SAMD4A: variants seen among roughly 807,000 people sequenced by gnomAD.
SAMD4A encodes the protein protein Smaug homolog 1.
Under a neutral mutation model 81.3 loss-of-function variants are expected in SAMD4A, and 33 were observed. The observed-to-expected ratio is 0.41, with a 90% CI of 0.31 to 0.54. The LOEUF (loss-of-function observed/expected upper bound fraction) is 0.54, where lower values mean the gene tolerates loss of function less well. Among genes scored for constraint, SAMD4A ranks in the 20% least tolerant of loss-of-function variants. The pLI is 0.37. For missense variants in SAMD4A, 854 were observed against 951.1 expected, an observed-to-expected ratio of 0.90 and a Z score of 1.34; for synonymous variants, 389 against 382.1, an observed-to-expected ratio of 1.02 and a Z score of -0.21.
chr14:54,766,877 T>G (rs556501920), intron 8 of SAMD4A, among the ~76,000 whole-genome samples: 1 of 152,214 alleles, frequency 6.6e-6, no homozygotes, highest in South Asian at 2.1e-4. Context: ...CCCGAAACTC[T>G]GGCCTGACGC....
At chr14:54,637,365 CAAA>C (rs1172084217) in intron 2 of SAMD4A, among the ~76,000 whole-genome samples, 14 of 63,784 alleles carry the variant, frequency 2.2e-4, no homozygotes, top group Admixed American at 1.2e-3. Context: ...AACTCCATCT[CAAA>C]AAAAAAAAAA....
intron 11 of SAMD4A, among the ~76,000 whole-genome samples, chr14:54,778,467 T>C (rs1453310135): frequency 6.6e-6 from 1 of 152,192 alleles, no homozygotes; most frequent in Admixed American, 6.5e-5. Flanking sequence ...AATCAAATAA[T>C]ACAGAAGTGC....
intron 11 of SAMD4A, among the ~76,000 whole-genome samples, chr14:54,784,020 G>A (rs141663172): frequency 3.3e-5 from 5 of 152,342 alleles, no homozygotes; most frequent in South Asian, 4.1e-4. Context: ...GGATAGTGTG[G>A]GGGCATGGCT....
At chr14:54,726,956 A>C (rs558753324) in intron 3 of SAMD4A, among the ~76,000 whole-genome samples, 17 of 152,226 alleles carry the variant, frequency 1.1e-4, no homozygotes, top group African/African-American at 3.9e-4. Flanking sequence ...TGAATTATTG[A>C]ATATTGAATG....
At chr14:54,759,272 T>C (rs56934532) in intron 6 of SAMD4A, among the ~76,000 whole-genome samples, 2,901 of 152,340 alleles carry the variant, frequency 0.019, 87 homozygotes, top group African/African-American at 0.066. Context: ...ATCCCTGCCC[T>C]GGCCCAAGGC....
chr14:54,590,058 A>T (rs890277491), intron 2 of SAMD4A, among the ~76,000 whole-genome samples: 3 of 152,192 alleles, frequency 2.0e-5, no homozygotes, highest in African/African-American at 7.2e-5. Flanking sequence ...CTTTTTCTCT[A>T]GCATAAAAAA....
At chr14:54,663,658 G>A (rs1225196821) in intron 2 of SAMD4A, among the ~76,000 whole-genome samples, 1 of 152,226 alleles carries the variant, frequency 6.6e-6, no homozygotes, top group Non-Finnish European at 1.5e-5. Flanking sequence ...TAGAAAGGCA[G>A]CAGGTTAGAG....
chr14:54,611,295 C>T (rs2034347957), intron 2 of SAMD4A, among the ~76,000 whole-genome samples: 1 of 152,188 alleles, frequency 6.6e-6, no homozygotes, highest in African/African-American at 2.4e-5. Context: ...CCCTCTTTCC[C>T]CCACCAGTGG....
At chr14:54,656,681 G>A (rs917633967) in intron 2 of SAMD4A, among the ~76,000 whole-genome samples, 3 of 152,186 alleles carry the variant, frequency 2.0e-5, no homozygotes, top group African/African-American at 7.2e-5. Context: ...AGGCTGGAGG[G>A]CAGTGGCGCG....
intron 2 of SAMD4A, among the ~76,000 whole-genome samples, chr14:54,651,421 G>T (rs115751462): frequency 6.6e-6 from 1 of 152,308 alleles, no homozygotes; most frequent in South Asian, 2.1e-4. Flanking sequence ...ATTTCATACA[G>T]TGAATAAGTC....
chr14:54,685,136 A>AT (rs1021802682), intron 2 of SAMD4A, among the ~76,000 whole-genome samples: 14 of 152,246 alleles, frequency 9.2e-5, no homozygotes, highest in Middle Eastern at 6.8e-3. Flanking sequence ...CATTTTAATC[A>AT]TTTTTAAATA....
At chr14:54,786,799 C>T (rs886328868) in intron 12 of SAMD4A, among the ~76,000 whole-genome samples, 17 of 152,202 alleles carry the variant, frequency 1.1e-4, no homozygotes, top group African/African-American at 3.9e-4. Context: ...GAAAAGACTT[C>T]GTTTTTTTCA....
intron 3 of SAMD4A, among the ~76,000 whole-genome samples, chr14:54,731,604 G>T (rs775309078): frequency 6.6e-6 from 1 of 152,166 alleles, no homozygotes; most frequent in East Asian, 1.9e-4. Context: ...TAGCTATTTG[G>T]ATTGAATTAT....
intron 4 of SAMD4A, among the ~76,000 whole-genome samples, chr14:54,739,756 C>G (rs562522827): frequency 2.6e-5 from 4 of 152,208 alleles, no homozygotes; most frequent in Admixed American, 6.5e-5. Context: ...TTATTCAAAA[C>G]GACTTCCTAT....
At chr14:54,604,699 T>G (rs1047982980) in intron 2 of SAMD4A, among the ~76,000 whole-genome samples, 2 of 152,260 alleles carry the variant, frequency 1.3e-5, no homozygotes, top group Non-Finnish European at 2.9e-5. Flanking sequence ...CTATCTAATA[T>G]GCACTTTTAA....
chr14:54,641,224 C>T (rs1236735432), intron 2 of SAMD4A, among the ~76,000 whole-genome samples: 2 of 152,180 alleles, frequency 1.3e-5, no homozygotes, highest in Admixed American at 6.5e-5. Flanking sequence ...CAAGATAATA[C>T]ATATAAAGTG....
Position 54,734,573 on chromosome 14 carries a change from A to G in SAMD4A, c.716-2451A>G, listed in dbSNP as rs953128144. Among the ~76,000 whole-genome samples the G allele has an allele frequency of 1.7e-4, 26 of 152,346 alleles. 1 individual carries two copies. The highest frequency in any genetic ancestry group is 6.8e-3 in the Middle Eastern group (2 of 294). On this transcript the variant is annotated intron_variant, in intron 3 of 12. Transcript: ENST00000554335. The stretch of plus-strand genomic sequence containing the variant: ...TATGAAGAAATGGGTGTGGGTTTCT[A>G]TGTACAAATCCCTGTAAGTCCATTA...
intron 3 of SAMD4A, among the ~76,000 whole-genome samples, chr14:54,717,446 A>G (rs1439123864): frequency 1.3e-5 from 2 of 151,918 alleles, no homozygotes; most frequent in African/African-American, 4.8e-5. Context: ...GTCTCAAAAA[A>G]AAAAAAAAAA....
At chr14:54,724,003 TGGATGGAAGGAA>T (rs1424132664) in intron 3 of SAMD4A, among the ~76,000 whole-genome samples, 7 of 56,454 alleles carry the variant, frequency 1.2e-4, no homozygotes, top group East Asian at 6.8e-4. Context: ...GATGGATGGA[TGGATGGAAGGAA>T]GGAAGGAAGG....
Sources: gnomAD v4.1 joint callset for allele counts (sites outside exome capture counted in the v4.1 genomes callset) on GRCh38, gnomAD v4.1.1 for gene constraint, MANE v1.5 for transcripts, NCBI Gene and HGNC (gene_info 2026-07-23, HGNC 2026-07-21) for gene names.